The following IQSEC1 variants were observed in gnomAD, a reference collection of about 807,000 sequenced individuals.
The protein encoded by IQSEC1 is IQ motif and Sec7 domain ArfGEF 1, also known as IQ motif and SEC7 domain-containing protein 1.
In IQSEC1, 31 loss-of-function variants were observed where a neutral mutation model predicts 91.0. The ratio of observed to expected loss-of-function variants is 0.34; its 90% CI spans 0.26 to 0.46. The LOEUF is 0.46. Ranked by LOEUF, IQSEC1 falls within the 20% of genes least tolerant of loss-of-function variation. The pLI, the probability that IQSEC1 is intolerant of heterozygous loss-of-function variation, is 1.00. For synonymous variants in IQSEC1, 699 were observed against 662.6 expected, an observed-to-expected ratio of 1.05 and a Z score of -0.84; for missense variants, 1,388 against 1,575.6, an observed-to-expected ratio of 0.88 and a Z score of 2.02.
chr3:12,982,349 T>G (rs570219358), intron 1 of IQSEC1, among the ~76,000 whole-genome samples: 1 of 152,324 alleles, frequency 6.6e-6, no homozygotes, highest in East Asian at 1.9e-4. Flanking sequence ...ATTAAAAAAT[T>G]AAAATTAAGA....
intron 1 of IQSEC1, among the ~76,000 whole-genome samples, chr3:13,002,538 C>T (rs1314862298): frequency 8.4e-6 from 1 of 119,462 alleles, no homozygotes; most frequent in African/African-American, 3.6e-5. Flanking sequence ...GTGAGTGAGA[C>T]CTGATCTCCA....
chr3:13,090,226 T>C (rs3930428), intron 2 of IQSEC1, among the ~76,000 whole-genome samples: 1 of 143,520 alleles, frequency 7.0e-6, no homozygotes, highest in African/African-American at 2.5e-5. Context: ...TCAAAAAAAA[T>C]AAAACAACAA....
At chr3:13,144,184 C>G (rs1037796136) in intron 2 of IQSEC1, among the ~76,000 whole-genome samples, 13 of 151,442 alleles carry the variant, frequency 8.6e-5, no homozygotes, top group Non-Finnish European at 1.9e-4. Context: ...GTCAAGGTAC[C>G]AACCCCTGTC....
chr3:13,096,463 T>A (rs897860728), intron 2 of IQSEC1, among the ~76,000 whole-genome samples: 1 of 152,134 alleles, frequency 6.6e-6, no homozygotes, highest in Non-Finnish European at 1.5e-5. Context: ...CAGAAGGGAT[T>A]CGCAGTCTAG....
chr3:13,092,083 C>T (rs1314892968), intron 2 of IQSEC1, among the ~76,000 whole-genome samples: 3 of 152,128 alleles, frequency 2.0e-5, no homozygotes, highest in Admixed American at 1.3e-4. Flanking sequence ...CTACCCTGCA[C>T]TGCGCGGGGT....
intron 12 of IQSEC1, among the ~76,000 whole-genome samples, chr3:12,905,287 A>G (rs1694849045): frequency 1.3e-5 from 2 of 152,224 alleles, no homozygotes; most frequent in South Asian, 4.1e-4. Flanking sequence ...CAACCTTTTC[A>G]GCTTCCTCAG....
Position 12,898,489 on chromosome 3 carries a change from C to T in IQSEC1, c.*2494G>A, listed in dbSNP as rs1001227373. 2.0e-5 allele frequency: 3 copies of T among 152,234 alleles called. No homozygotes were observed. Among genetic ancestry groups the T allele is most frequent in the African/African-American group, 4.8e-5 (2 of 41,444 alleles). The allele number at this position is 152,234 out of a possible 1,614,324, so 9.4% of individuals were successfully genotyped here. ...CCAGGACACACCGAGGACAGTGCCA[C>T]AGGCTGGCAGCCCGAGGCTGTGGAG... is the stretch of plus-strand genomic sequence containing the variant. On this transcript the variant is annotated 3_prime_UTR_variant, in exon 14 of 14. Coordinates refer to ENST00000613206, the MANE Select transcript of IQSEC1 (RefSeq NM_001134382.3).
chr3:13,181,269 T>TCAAA (rs139859471), intron 1 of IQSEC1, among the ~76,000 whole-genome samples: 197 of 18,464 alleles, frequency 0.011, 1 homozygote, highest in South Asian at 0.034. Flanking sequence ...AGACTCCGTC[T>TCAAA]CAAACAAACA....
intron 1 of IQSEC1, chr3:13,021,994 CG>C: frequency 8.3e-7 from 1 of 1,207,472 alleles, no homozygotes; most frequent in Non-Finnish European, 1.0e-6. Context: ...GCCCAACAGT[CG>C]ACAGCCAGGC....
intron 2 of IQSEC1, among the ~76,000 whole-genome samples, chr3:13,113,716 C>T (rs1706289349): frequency 6.6e-6 from 1 of 152,156 alleles, no homozygotes; most frequent in South Asian, 2.1e-4. Flanking sequence ...CCAGGGCAGC[C>T]CCCAGCGTGG....
intron 1 of IQSEC1, among the ~76,000 whole-genome samples, chr3:13,220,884 T>A (rs1694646287): frequency 6.6e-6 from 1 of 152,202 alleles, no homozygotes; most frequent in Non-Finnish European, 1.5e-5. Flanking sequence ...GCCAAACTCC[T>A]GTTTCTATTG....
At chr3:13,145,106 C>G (rs926323893) in intron 2 of IQSEC1, among the ~76,000 whole-genome samples, 4 of 152,158 alleles carry the variant, frequency 2.6e-5, no homozygotes, top group Admixed American at 2.0e-4. Context: ...GGCATGAGCC[C>G]CCCCATCTGC....
At chr3:13,123,156 T>G (rs1013915175) in intron 2 of IQSEC1, among the ~76,000 whole-genome samples, 1 of 152,178 alleles carries the variant, frequency 6.6e-6, no homozygotes, top group Non-Finnish European at 1.5e-5. Flanking sequence ...CAAGAAGGCT[T>G]TGCACCGGTT....
intron 1 of IQSEC1, among the ~76,000 whole-genome samples, chr3:13,278,578 G>A (rs755165348): frequency 1.3e-5 from 2 of 152,182 alleles, no homozygotes; most frequent in Non-Finnish European, 2.9e-5. Context: ...CAGCACTTTG[G>A]GAGGCCAAGG....
upstream of IQSEC1, among the ~76,000 whole-genome samples, chr3:13,077,829 A>G (rs1359786405): frequency 6.6e-6 from 1 of 152,208 alleles, no homozygotes; most frequent in Non-Finnish European, 1.5e-5. Context: ...GGGGGAGAAG[A>G]TCAGACCCTG....
At chr3:12,954,943 C>A (rs538161965) in intron 1 of IQSEC1, among the ~76,000 whole-genome samples, 1 of 152,348 alleles carries the variant, frequency 6.6e-6, no homozygotes, top group Admixed American at 6.5e-5. Context: ...TCTTCTTCTC[C>A]CGCAACTCCA....
chr3:13,240,326 A>C (rs1681789173), intron 1 of IQSEC1, among the ~76,000 whole-genome samples: 1 of 152,176 alleles, frequency 6.6e-6, no homozygotes, highest in South Asian at 2.1e-4. Flanking sequence ...AGCTATAATG[A>C]CAGCACTGCA....
intron 1 of IQSEC1, among the ~76,000 whole-genome samples, chr3:13,176,783 T>C (rs1419086246): frequency 6.6e-6 from 1 of 152,194 alleles, no homozygotes; most frequent in Non-Finnish European, 1.5e-5. Context: ...AATGCGTCAG[T>C]GAGCTGCCAC....
Position 13,073,252 on chromosome 3 carries a change from C to A in IQSEC1, c.-238G>T. 1 of 571,180 alleles carries A rather than the reference C, an allele frequency of 1.8e-6. No individual in the cohort carries two copies. The highest frequency in any genetic ancestry group is 3.0e-5 in the East Asian group (1 of 32,846). The allele number at this position is 571,180 out of a possible 1,614,324, so 35.4% of individuals were successfully genotyped here. A position where few individuals can be genotyped will look rare whatever the true frequency, so the allele number is the denominator to read the frequency against. On this transcript the variant is annotated 5_prime_UTR_variant, in exon 1 of 14. Transcript: ENST00000613206. ...ACGTAGCGCGCGCTCACACCGTGCC[C>A]AGGAGCGAGCGAGGACGTCGAGTAA... is the stretch of plus-strand genomic sequence containing the variant.
Sources: allele counts gnomAD v4.1 joint callset (sites outside exome capture counted in the v4.1 genomes callset), GRCh38; gene constraint gnomAD v4.1.1; transcripts MANE v1.5; gene names NCBI Gene and HGNC (gene_info 2026-07-23, HGNC 2026-07-21).